PTPRK: variants seen among roughly 807,000 people sequenced by gnomAD.
The protein encoded by PTPRK is protein tyrosine phosphatase receptor type K, also known as receptor-type tyrosine-protein phosphatase kappa.
A neutral mutation model predicts 178.0 loss-of-function variants in PTPRK; 75 were observed. The ratio of observed to expected loss-of-function variants is 0.42; its 90% CI spans 0.35 to 0.51. The LOEUF (loss-of-function observed/expected upper bound fraction) is 0.51, where lower values mean the gene tolerates loss of function less well. Ranked by LOEUF, PTPRK falls within the 20% of genes least tolerant of loss-of-function variation. The pLI, the probability that PTPRK is intolerant of heterozygous loss-of-function variation, is 0.02. For synonymous variants in PTPRK, 637 were observed against 620.6 expected, an observed-to-expected ratio of 1.03 and a Z score of -0.39; for missense variants, 1,441 against 1,797.8, an observed-to-expected ratio of 0.80 and a Z score of 3.59.
At chr6:128,141,207 A>T (rs914650767) in intron 7 of PTPRK, among the ~76,000 whole-genome samples, 1 of 151,912 alleles carries the variant, frequency 6.6e-6, no homozygotes, top group Non-Finnish European at 1.5e-5. Flanking sequence ...TGTAAATGAA[A>T]CCTTGAAAAT....
At chr6:128,455,997 T>C (rs1359754779) in intron 1 of PTPRK, among the ~76,000 whole-genome samples, 3 of 152,068 alleles carry the variant, frequency 2.0e-5, no homozygotes, top group African/African-American at 2.4e-5. Flanking sequence ...CAAAAGAAGT[T>C]AATAGACAGA....
intron 3 of PTPRK, among the ~76,000 whole-genome samples, chr6:128,244,126 A>G (rs909520463): frequency 2.0e-5 from 3 of 152,228 alleles, no homozygotes; most frequent in African/African-American, 7.2e-5. Context: ...AGGACTAGTG[A>G]TACAGAAAAG....
chr6:128,081,956 T>G (rs188626758), intron 10 of PTPRK, among the ~76,000 whole-genome samples: 2 of 152,184 alleles, frequency 1.3e-5, no homozygotes, highest in Admixed American at 6.6e-5. Context: ...TTATATGTAT[T>G]TATATAAGAT....
chr6:128,035,871 G>A (rs1160773945), intron 13 of PTPRK, among the ~76,000 whole-genome samples: 1 of 152,194 alleles, frequency 6.6e-6, no homozygotes, highest in Non-Finnish European at 1.5e-5. Flanking sequence ...TGCATAATTA[G>A]TAGTTGCATT....
intron 8 of PTPRK, among the ~76,000 whole-genome samples, chr6:128,087,594 G>A (rs976416548): frequency 1.3e-5 from 2 of 152,002 alleles, no homozygotes; most frequent in Admixed American, 6.6e-5. Flanking sequence ...GGATATTTGT[G>A]TGTTTATTAA....
chr6:128,040,502 G>T (rs1426500879), intron 13 of PTPRK, among the ~76,000 whole-genome samples: 3 of 152,044 alleles, frequency 2.0e-5, no homozygotes, highest in African/African-American at 4.8e-5. Context: ...GACTGGAATT[G>T]TAAGAGGCAC....
At chr6:128,243,488 TAAA>T (rs760606919) in intron 3 of PTPRK, among the ~76,000 whole-genome samples, 70 of 59,138 alleles carry the variant, frequency 1.2e-3, no homozygotes, top group African/African-American at 3.5e-3. Flanking sequence ...AGCCTGTCGC[TAAA>T]AAAAAAAAAA....
At chr6:128,379,679 T>A (rs1837603847) in intron 2 of PTPRK, among the ~76,000 whole-genome samples, 2 of 152,174 alleles carry the variant, frequency 1.3e-5, no homozygotes, top group African/African-American at 4.8e-5. Flanking sequence ...AAGGAACAAT[T>A]TTTTATATTT....
chr6:128,306,322 G>T (rs952303070), intron 3 of PTPRK, among the ~76,000 whole-genome samples: 1 of 152,160 alleles, frequency 6.6e-6, no homozygotes, highest in East Asian at 1.9e-4. Context: ...CCAGTTAGTG[G>T]AGCAATGGAT....
intron 4 of PTPRK, chr6:128,241,331 A>G (rs754235716): frequency 1.9e-6 from 1 of 532,590 alleles, no homozygotes; most frequent in Non-Finnish European, 3.9e-6. Context: ...CACTGGAATC[A>G]GAAATGCAAA....
chr6:128,407,465 C>T (rs545343566), intron 1 of PTPRK, among the ~76,000 whole-genome samples: 3 of 151,518 alleles, frequency 2.0e-5, no homozygotes, highest in African/African-American at 7.3e-5. Flanking sequence ...AGCGAGATCC[C>T]CATGTCTACA....
At chr6:127,993,177 CCAAT>C (rs1211130018) in intron 18 of PTPRK, among the ~76,000 whole-genome samples, 1 of 151,720 alleles carries the variant, frequency 6.6e-6, no homozygotes, top group Non-Finnish European at 1.5e-5. Context: ...ATGTGTGCAT[CCAAT>C]CAAAGTCCTG....
chr6:128,500,917 G>A, intron 1 of PTPRK: 1 of 152,334 alleles, frequency 6.6e-6, no homozygotes, highest in Non-Finnish European at 1.5e-5. Flanking sequence ...GCTGGGACTA[G>A]CCCGGGCTAA....
intron 1 of PTPRK, among the ~76,000 whole-genome samples, chr6:128,405,998 T>C (rs1000348630): frequency 2.0e-5 from 3 of 150,976 alleles, no homozygotes; most frequent in Admixed American, 6.6e-5. Flanking sequence ...CATCTTGAAA[T>C]CAAAAAACAA....
intron 1 of PTPRK, among the ~76,000 whole-genome samples, chr6:128,468,480 T>A: frequency 6.6e-6 from 1 of 152,146 alleles, no homozygotes; most frequent in East Asian, 1.9e-4. Flanking sequence ...TTATCAGTAA[T>A]GTTTATTTTC....
intron 7 of PTPRK, among the ~76,000 whole-genome samples, chr6:128,139,667 A>C (rs1795496615): frequency 6.6e-6 from 1 of 152,028 alleles, no homozygotes; most frequent in Non-Finnish European, 1.5e-5. Context: ...ATGTACAAAC[A>C]TATCTAAATC....
intron 1 of PTPRK, among the ~76,000 whole-genome samples, chr6:128,437,959 T>C: frequency 6.6e-6 from 1 of 152,244 alleles, no homozygotes; most frequent in East Asian, 1.9e-4. Flanking sequence ...CCCAAATCCG[T>C]GCATACTAAA....
chr6:127,974,681 A>T (rs1204874664), intron 27 of PTPRK, among the ~76,000 whole-genome samples: 3 of 152,210 alleles, frequency 2.0e-5, no homozygotes. Context: ...GTTATGTCAG[A>T]TCACCCAGTT....
intron 6 of PTPRK, among the ~76,000 whole-genome samples, chr6:128,216,256 G>A (rs2128269586): frequency 6.6e-6 from 1 of 152,116 alleles, no homozygotes; most frequent in South Asian, 2.1e-4. Flanking sequence ...GAAAAATAAG[G>A]CCGGGAGTGG....
Sources: allele counts gnomAD v4.1 joint callset (sites outside exome capture counted in the v4.1 genomes callset), GRCh38; gene constraint gnomAD v4.1.1; transcripts MANE v1.5; gene names NCBI Gene and HGNC (gene_info 2026-07-23, HGNC 2026-07-21).